Variants in KDM4C observed in about 807,000 individuals in gnomAD.
KDM4C encodes lysine-specific demethylase 4C.
KDM4C carries 81 observed loss-of-function variants against 129.3 expected under a neutral mutation model. The observed-to-expected ratio is 0.63, with a 90% CI of 0.52 to 0.75. The LOEUF (loss-of-function observed/expected upper bound fraction) is 0.75. Ranked by LOEUF, KDM4C falls within the 30% of genes least tolerant of loss-of-function variation. KDM4C has a pLI of 0.00. For missense variants in KDM4C, 1,457 were observed against 1,304.0 expected, an observed-to-expected ratio of 1.12 and a Z score of -1.81; for synonymous variants, 573 against 456.1, an observed-to-expected ratio of 1.26 and a Z score of -3.26.
At chr9:7,031,144 TTATTTATTTATTTATTTATTTATTTATG>T (rs1296730680) in intron 15 of KDM4C, among the ~76,000 whole-genome samples, 8 of 121,678 alleles carry the variant, frequency 6.6e-5, no homozygotes, top group Admixed American at 3.1e-4. Flanking sequence ...ATTTATTTAT[TTATTTATTTATTTATTTATTTATTTATG>T]TATGTTTTGA....
chr9:7,103,577 G>GT (rs1564120930), intron 17 of KDM4C, 108 bp from the exon 18 acceptor site: 238 of 830,118 alleles, frequency 2.9e-4, no homozygotes, highest in African/African-American at 2.1e-3. Flanking sequence ...GATGTAATCA[G>GT]TTGTTTTTTT....
chr9:6,835,617 A>G, intron 4 of KDM4C: 1 of 838,750 alleles, frequency 1.2e-6, no homozygotes, highest in Non-Finnish European at 2.1e-6. Flanking sequence ...TTTCTTGACA[A>G]AACCTGACTT....
chr9:7,165,253 A>G lies in KDM4C; in HGVS notation c.2797A>G (p.Lys933Glu). 1 of 1,614,172 alleles carries G rather than the reference A, an allele frequency of 6.2e-7. No individual in the cohort carries two copies. Among genetic ancestry groups the G allele is most frequent in the Admixed American group, 1.7e-5 (1 of 60,024 alleles). The change falls in exon 20 of 22, where the codon AAG becomes GAG. Residue 933 changes from lysine (K) to glutamate (E), a missense_variant. Transcript: ENST00000381309. ...TATTCTGCAGAGCCGAGACTGTCTGAAGCTGGGCCCACCTGCTGAGGGAGA... is the reference window on the plus strand; with the variant it reads ...TATTCTGCAGAGCCGAGACTGTCTGGAGCTGGGCCCACCTGCTGAGGGAGA... ...PEDIVSRDCL[K>E]LGPPAEGEVV... is the part of the protein sequence containing the mutation.
At chr9:6,822,743 A>C (rs567415947) in intron 4 of KDM4C, among the ~76,000 whole-genome samples, 2 of 152,234 alleles carry the variant, frequency 1.3e-5, no homozygotes, top group Non-Finnish European at 2.9e-5. Flanking sequence ...AAAGATAAAG[A>C]TAAAAGAGGG....
chr9:6,830,296 A>G (rs147045476), intron 4 of KDM4C, among the ~76,000 whole-genome samples: 2,218 of 152,260 alleles, frequency 0.015, 33 homozygotes, highest in African/African-American at 0.047. Context: ...ATTGCTTACA[A>G]TCTCCCTCAT....
intron 12 of KDM4C, among the ~76,000 whole-genome samples, chr9:6,992,038 A>G (rs1323766800): frequency 6.7e-6 from 1 of 148,982 alleles, no homozygotes; most frequent in Non-Finnish European, 1.5e-5. Context: ...TTGCTACTTT[A>G]TTATACCCAG....
At chr9:6,863,942 A>G (rs576897475) in intron 5 of KDM4C, among the ~76,000 whole-genome samples, 1 of 152,258 alleles carries the variant, frequency 6.6e-6, no homozygotes, top group Non-Finnish European at 1.5e-5. Context: ...CCCATGATGG[A>G]AACACCTCCC....
Position 6,814,649 on chromosome 9 carries a change from C to G in KDM4C, c.339C>G (p.Tyr113Ter), listed in dbSNP as rs766709087. 2 of 1,604,286 alleles carry G rather than the reference C, an allele frequency of 1.2e-6. No homozygotes were observed. The highest frequency in any genetic ancestry group is 1.7e-6 in the Non-Finnish European group (2 of 1,174,874). Residue 113 changes from tyrosine to a stop codon, truncating the protein, a stop_gained, in exon 4 of 22, where the codon TAC becomes TAG. Transcript: ENST00000381309. LOFTEE classifies it high-confidence loss of function. ...ANSGKYCTPRYLDYEDLERKY... is the reference protein window; with the variant it reads ...ANSGKYCTPR ...TTTACAGATATTGTACTCCAAGATA[C>G]TTGGATTACGAAGATTTGGAGCGCA... is the stretch of plus-strand genomic sequence containing the variant.
At chr9:6,794,445 G>A (rs1827336653) in intron 2 of KDM4C, among the ~76,000 whole-genome samples, 1 of 152,222 alleles carries the variant, frequency 6.6e-6, no homozygotes, top group African/African-American at 2.4e-5. Context: ...GATTTTAAGT[G>A]TAGAGGGAAG....
chr9:7,152,428 T>G (rs1251815578), intron 19 of KDM4C, among the ~76,000 whole-genome samples: 1 of 152,208 alleles, frequency 6.6e-6, no homozygotes, highest in Non-Finnish European at 1.5e-5. Flanking sequence ...AATAGCAAGG[T>G]ACAAAATTAT....
At chr9:6,774,665 A>T (rs565386257) in intron 1 of KDM4C, among the ~76,000 whole-genome samples, 22 of 152,308 alleles carry the variant, frequency 1.4e-4, no homozygotes, top group East Asian at 5.8e-4. Flanking sequence ...TAAAAAAAAA[A>T]TTTTAACATA....
chr9:6,732,651 T>C (rs1484059609), intron 1 of KDM4C, among the ~76,000 whole-genome samples: 2 of 152,136 alleles, frequency 1.3e-5, no homozygotes, highest in African/African-American at 4.8e-5. Flanking sequence ...AACCAGAAAG[T>C]ACTCACTTCC....
intron 8 of KDM4C, among the ~76,000 whole-genome samples, chr9:6,927,803 T>G (rs982818138): frequency 2.6e-5 from 4 of 152,208 alleles, no homozygotes; most frequent in African/African-American, 7.2e-5. Flanking sequence ...TCTCACCAAT[T>G]TCCTTGCCCC....
intron 1 of KDM4C, among the ~76,000 whole-genome samples, chr9:6,771,959 C>G (rs935835590): frequency 1.3e-5 from 2 of 152,170 alleles, no homozygotes; most frequent in African/African-American, 2.4e-5. Context: ...TCCAGCCCCC[C>G]TGAGGGAGAC....
intron 4 of KDM4C, among the ~76,000 whole-genome samples, chr9:6,830,957 A>G (rs901500102): frequency 5.9e-5 from 9 of 152,212 alleles, no homozygotes; most frequent in Non-Finnish European, 1.3e-4. Flanking sequence ...AAGAACAGGT[A>G]TATTCTTTAT....
chr9:6,862,850 A>C (rs866524544), intron 5 of KDM4C, among the ~76,000 whole-genome samples: 3 of 150,778 alleles, frequency 2.0e-5, no homozygotes, highest in Non-Finnish European at 4.5e-5. Flanking sequence ...AAAAAACAAA[A>C]AAAAATTCAA....
intron 8 of KDM4C, among the ~76,000 whole-genome samples, chr9:6,974,056 C>G (rs1832502075): frequency 6.6e-6 from 1 of 152,182 alleles, no homozygotes; most frequent in Non-Finnish European, 1.5e-5. Flanking sequence ...GATACTGAAT[C>G]TCACATCACT....
chr9:6,752,238 C>CAGG (rs1231482144), intron 1 of KDM4C, among the ~76,000 whole-genome samples: 1 of 135,082 alleles, frequency 7.4e-6, no homozygotes, highest in African/African-American at 2.8e-5. Flanking sequence ...GAGGCTGAGG[C>CAGG]AGGAGAATGG....
chr9:6,810,931 A>T (rs1051182763), intron 3 of KDM4C, among the ~76,000 whole-genome samples: 8 of 152,172 alleles, frequency 5.3e-5, no homozygotes, highest in Non-Finnish European at 4.4e-5. Flanking sequence ...GACTAGTTTC[A>T]TTATAATTGT....
Sources: gnomAD v4.1 joint callset for allele counts (sites outside exome capture counted in the v4.1 genomes callset) on GRCh38, gnomAD v4.1.1 for gene constraint, MANE v1.5 for transcripts, NCBI Gene and HGNC (gene_info 2026-07-23, HGNC 2026-07-21) for gene names.